Variants in NEMP2 observed in about 807,000 individuals in gnomAD.
The protein encoded by NEMP2 is UPF0571 transmembrane protein.
NEMP2 carries 53 observed loss-of-function variants against 54.2 expected under a neutral mutation model. The observed-to-expected ratio is 0.98, with a 90% CI of 0.78 to 1.23. The LOEUF (loss-of-function observed/expected upper bound fraction) is 1.23, where lower values mean the gene tolerates loss of function less well. Ranked by LOEUF, NEMP2 falls within the 50% of genes most tolerant of loss-of-function variation. The pLI, the probability that NEMP2 is intolerant of heterozygous loss-of-function variation, is 0.00. For missense variants in NEMP2, 455 were observed against 511.3 expected (o/e 0.89, Z 1.06); for synonymous variants, 197 against 190.3 (o/e 1.04, Z -0.29).
the NEMP2 span, chr2:190,436,253 A>G: frequency 6.2e-7 from 1 of 1,613,730 alleles, no homozygotes; most frequent in African/African-American, 1.3e-5. This position sits in a 1 kb window ranked among gnomAD's most constrained non-coding sequence, Gnocchi z 5.3. Context: ...AAGGTCTTTT[A>G]TTTTTTCTTT....
the NEMP2 span, among the ~76,000 whole-genome samples, chr2:190,600,149 C>T: frequency 6.6e-6 from 1 of 152,166 alleles, no homozygotes; most frequent in Non-Finnish European, 1.5e-5. This position sits in a 1 kb window ranked among gnomAD's most constrained non-coding sequence, Gnocchi z 4.9. Context: ...CACTTGCCAT[C>T]TTAGCAGTGG....
chr2:190,615,359 T>C, the NEMP2 span, among the ~76,000 whole-genome samples: 5 of 152,296 alleles, frequency 3.3e-5, no homozygotes, highest in East Asian at 9.6e-4. The surrounding 1 kb of genome is among the most constrained non-coding windows in gnomAD (Gnocchi z 4.7). Flanking sequence ...ACCAGGGAGA[T>C]ATTTACTTGC....
the NEMP2 span, among the ~76,000 whole-genome samples, chr2:190,581,696 T>A: frequency 4.6e-5 from 7 of 152,186 alleles, no homozygotes; most frequent in Admixed American, 2.6e-4. Context: ...AAAAATGATA[T>A]GTTGAGAGAT....
chr2:190,535,571 T>G (rs1173685019), upstream of NEMP2, among the ~76,000 whole-genome samples: 3 of 152,196 alleles, frequency 2.0e-5, no homozygotes, highest in Non-Finnish European at 2.9e-5. Context: ...ATTCTGGTCT[T>G]TTGGTGAGAT....
At chr2:190,582,579 A>G in the NEMP2 span, among the ~76,000 whole-genome samples, 1 of 152,244 alleles carries the variant, frequency 6.6e-6, no homozygotes. This position sits in a 1 kb window ranked among gnomAD's most constrained non-coding sequence, Gnocchi z 4.6. Context: ...AAGAAGGTAA[A>G]TTAATCAAAA....
the NEMP2 span, among the ~76,000 whole-genome samples, chr2:190,544,869 C>T: frequency 1.4e-5 from 2 of 146,522 alleles, no homozygotes; most frequent in African/African-American, 5.1e-5. Flanking sequence ...AGGAGGATCA[C>T]TTGAGCTCAG....
chr2:190,648,395 T>G, the NEMP2 span: 1 of 152,208 alleles, frequency 6.6e-6, no homozygotes, highest in East Asian at 1.9e-4. Flanking sequence ...CCTTCCTCCA[T>G]GCGGTCGCTG....
At chr2:190,538,488 C>A (rs139847383), upstream of NEMP2, among the ~76,000 whole-genome samples, 813 of 151,732 alleles carry the variant, frequency 5.4e-3, 2 homozygotes, top group Non-Finnish European at 8.9e-3. This position sits in a 1 kb window ranked among gnomAD's most constrained non-coding sequence, Gnocchi z 4.1. Flanking sequence ...GGATATATAC[C>A]CAGTAGTGGA....
chr2:190,585,714 G>T, the NEMP2 span, among the ~76,000 whole-genome samples: 1 of 152,144 alleles, frequency 6.6e-6, no homozygotes, highest in Admixed American at 6.5e-5. This position sits in a 1 kb window ranked among gnomAD's most constrained non-coding sequence, Gnocchi z 5.3. Context: ...TAGTCTTTCT[G>T]TTGATTCCTA....
chr2:190,542,087 C>G, the NEMP2 span, among the ~76,000 whole-genome samples: 4 of 152,304 alleles, frequency 2.6e-5, no homozygotes. This position sits in a 1 kb window ranked among gnomAD's most constrained non-coding sequence, Gnocchi z 4.6. Flanking sequence ...TTGGTGTTCT[C>G]TGACCTTCCT....
chr2:190,535,081 C>T (rs548732421), upstream of NEMP2: 1 of 158,368 alleles, frequency 6.3e-6, no homozygotes, highest in Non-Finnish European at 1.4e-5. Context: ...CTTGGCTGAC[C>T]TGTGACCTGC....
At chr2:190,503,889 C>A (rs1209275356), downstream of NEMP2, among the ~76,000 whole-genome samples, 1 of 152,142 alleles carries the variant, frequency 6.6e-6, no homozygotes, top group Non-Finnish European at 1.5e-5. This position sits in a 1 kb window ranked among gnomAD's most constrained non-coding sequence, Gnocchi z 6.3. Context: ...AAGGGAGTAA[C>A]TGGAAACTTG....
At chr2:190,472,250 G>A in the NEMP2 span, among the ~76,000 whole-genome samples, 2 of 152,220 alleles carry the variant, frequency 1.3e-5, no homozygotes, top group South Asian at 4.1e-4. Flanking sequence ...GAATGACTTT[G>A]ATGAGTTGAG....
At chr2:190,630,434 C>T in the NEMP2 span, among the ~76,000 whole-genome samples, 2 of 151,980 alleles carry the variant, frequency 1.3e-5, no homozygotes, top group African/African-American at 2.4e-5. The surrounding 1 kb of genome is among the most constrained non-coding windows in gnomAD (Gnocchi z 5.5). Context: ...GCCAGGCTAG[C>T]CTCAAACTCC....
chr2:190,507,635 A>C lies in NEMP2; in HGVS notation c.*1554T>G, dbSNP rs1690224124. The C allele has an allele frequency of 1.3e-5, 2 of 152,172 alleles. No individual in the cohort carries two copies. The highest frequency in any genetic ancestry group is 6.5e-5 in the Admixed American group (1 of 15,278). 9.4% of individuals were successfully genotyped at this position (152,172 alleles called of 1,614,324 possible). On this transcript the variant is annotated 3_prime_UTR_variant, in exon 9 of 9. Coordinates refer to ENST00000409150, the MANE Select transcript of NEMP2 (RefSeq NM_001142645.2). The surrounding 1 kb of genome is among the most constrained non-coding windows in gnomAD (Gnocchi z 4.4). ...TAAAAATCCAAGTCTATATAAAGGC[A>C]GATTAACTTTAGTGGATATTACAAA...
At chr2:190,440,096 C>T in the NEMP2 span, among the ~76,000 whole-genome samples, 18 of 152,178 alleles carry the variant, frequency 1.2e-4, no homozygotes, top group Non-Finnish European at 2.4e-4. Flanking sequence ...TATATTATTT[C>T]AGTACTTTGT....
chr2:190,447,608 A>G, the NEMP2 span, among the ~76,000 whole-genome samples: 36 of 152,334 alleles, frequency 2.4e-4, no homozygotes, highest in East Asian at 6.5e-3. The surrounding 1 kb of genome is among the most constrained non-coding windows in gnomAD (Gnocchi z 4.5). Context: ...ATAAGCTACT[A>G]TCTTCATAAT....
chr2:190,434,997 G>T, the NEMP2 span, among the ~76,000 whole-genome samples: 1 of 152,210 alleles, frequency 6.6e-6, no homozygotes, highest in Non-Finnish European at 1.5e-5. The surrounding 1 kb of genome is among the most constrained non-coding windows in gnomAD (Gnocchi z 4.3). Flanking sequence ...GATGTAGGTT[G>T]TGTGCTCCTT....
the NEMP2 span, among the ~76,000 whole-genome samples, chr2:190,470,199 T>A: frequency 6.6e-6 from 1 of 152,248 alleles, no homozygotes; most frequent in African/African-American, 2.4e-5. Flanking sequence ...GTTTTTGGTG[T>A]TTTTAGTTTT....
Sources: gnomAD v4.1 joint callset for allele counts (sites outside exome capture counted in the v4.1 genomes callset) on GRCh38, gnomAD v4.1.1 for gene constraint, Gnocchi (gnomAD v3.1) non-coding constraint, MANE v1.5 for transcripts, NCBI Gene and HGNC (gene_info 2026-07-23, HGNC 2026-07-21) for gene names.